The following CASD1 variants were observed in gnomAD, a reference collection of about 807,000 sequenced individuals.
CASD1 encodes N-acetylneuraminate (7)9-O-acetyltransferase.
Under a neutral mutation model 100.0 loss-of-function variants are expected in CASD1, and 41 were observed. The ratio of observed to expected loss-of-function variants is 0.41; its 90% CI spans 0.32 to 0.53. The LOEUF (loss-of-function observed/expected upper bound fraction) is 0.53. CASD1 is among the 20% of genes least tolerant of loss of function. CASD1 has a pLI of 0.25. For synonymous variants in CASD1, 321 were observed against 315.6 expected (o/e 1.02, Z -0.18); for missense variants, 774 against 948.7 (o/e 0.82, Z 2.42).
At chr7:94,512,328 C>T (rs1437079349) in intron 1 of CASD1, among the ~76,000 whole-genome samples, 2 of 152,164 alleles carry the variant, frequency 1.3e-5, no homozygotes, top group African/African-American at 2.4e-5. Flanking sequence ...CAAAGCCATC[C>T]TGGGCCTCCA....
chr7:94,598,059 C>G, the CASD1 span: 1 of 158,930 alleles, frequency 6.3e-6, no homozygotes, highest in Non-Finnish European at 1.4e-5. Flanking sequence ...CAGTTTTACC[C>G]ACCATTCCCT....
intron 17 of CASD1, 32 bp downstream of exon 17, chr7:94,554,607 C>T: frequency 2.2e-6 from 3 of 1,380,918 alleles, no homozygotes; most frequent in Non-Finnish European, 3.1e-6. Context: ...TTATCTTACA[C>T]AGCCAGGTGT....
chr7:94,574,886 C>T, the CASD1 span, among the ~76,000 whole-genome samples: 1 of 152,246 alleles, frequency 6.6e-6, no homozygotes, highest in South Asian at 2.1e-4. Flanking sequence ...AGGAGAATGG[C>T]ATGAACCCGG....
the CASD1 span, chr7:94,599,838 A>ATGCAAC: frequency 1.2e-6 from 1 of 820,120 alleles, no homozygotes; most frequent in South Asian, 1.4e-5. Flanking sequence ...TCACTATTAA[A>ATGCAAC]TGCAACCAGG....
At chr7:94,550,730 T>C (rs1036820115) in intron 14 of CASD1, among the ~76,000 whole-genome samples, 4 of 152,054 alleles carry the variant, frequency 2.6e-5, no homozygotes, top group African/African-American at 9.7e-5. Context: ...TCTGACCTAA[T>C]GACCAACCAA....
chr7:94,591,889 G>C, the CASD1 span, among the ~76,000 whole-genome samples: 1 of 152,180 alleles, frequency 6.6e-6, no homozygotes, highest in African/African-American at 2.4e-5. Context: ...TTGATTTAGA[G>C]ACTGAAAAGT....
chr7:94,557,873 A>G (rs1203109429), downstream of CASD1, among the ~76,000 whole-genome samples: 2 of 152,094 alleles, frequency 1.3e-5, no homozygotes, highest in Admixed American at 6.5e-5. Context: ...GATAGCACCT[A>G]TATATACGGT....
chr7:94,627,129 A>G, the CASD1 span: 1 of 152,064 alleles, frequency 6.6e-6, no homozygotes, highest in African/African-American at 2.4e-5. Context: ...ATAGATAGAA[A>G]TCACTGAACA....
the CASD1 span, among the ~76,000 whole-genome samples, chr7:94,583,978 C>T: frequency 4.6e-5 from 7 of 152,254 alleles, no homozygotes; most frequent in South Asian, 1.5e-3. Flanking sequence ...GAAACAAGAT[C>T]ACTTTTTCAC....
chr7:94,528,596 C>T (rs1794692576), intron 5 of CASD1, among the ~76,000 whole-genome samples: 2 of 152,148 alleles, frequency 1.3e-5, no homozygotes. Context: ...CTGTTTTCTC[C>T]TTCAAACTCA....
Position 94,547,924 on chromosome 7 carries a change from A to G in CASD1, c.1713+749A>G, listed in dbSNP as rs1039820658. On this transcript the variant is annotated intron_variant, in intron 13 of 17. Coordinates refer to ENST00000297273, the MANE Select transcript of CASD1 (RefSeq NM_022900.5). ...CTATAGGCATTTTGTGTGTATGTATAATCCTATGCCGTTTGGGTTTTTTTT... is the reference window on the plus strand; with the variant it reads ...CTATAGGCATTTTGTGTGTATGTATGATCCTATGCCGTTTGGGTTTTTTTT... Among the ~76,000 whole-genome samples, 4 of 151,780 alleles carry G rather than the reference A, an allele frequency of 2.6e-5. 1 individual carries two copies. Among genetic ancestry groups the G allele is most frequent in the Admixed American group, 2.6e-4 (4 of 15,212 alleles).
At chr7:94,533,938 C>T (rs1794978365) in intron 7 of CASD1, 136 bp downstream of exon 7, 2 of 756,186 alleles carry the variant, frequency 2.6e-6, no homozygotes, top group South Asian at 6.7e-5. Context: ...GATTAGAGTA[C>T]ACTTGAGTTA....
chr7:94,580,994 C>G, the CASD1 span, among the ~76,000 whole-genome samples: 51,595 of 151,936 alleles, frequency 0.34, 9,585 homozygotes, highest in Non-Finnish European at 0.41. Context: ...GGATCAGGAG[C>G]CTGATTTTGC....
At chr7:94,632,040 C>T in the CASD1 span, among the ~76,000 whole-genome samples, 7 of 151,840 alleles carry the variant, frequency 4.6e-5, no homozygotes, top group African/African-American at 7.3e-5. Context: ...ATACAAAGTA[C>T]GGCAGAGGTA....
chr7:94,613,602 A>G, the CASD1 span, among the ~76,000 whole-genome samples: 3 of 152,220 alleles, frequency 2.0e-5, no homozygotes, highest in Non-Finnish European at 4.4e-5. Flanking sequence ...TTGAGGTAAA[A>G]TGCATTTATT....
At chr7:94,609,663 A>T in the CASD1 span, among the ~76,000 whole-genome samples, 33 of 152,240 alleles carry the variant, frequency 2.2e-4, no homozygotes, top group Admixed American at 1.9e-3. Flanking sequence ...GAAAACAGTG[A>T]GATACGCAAC....
At chr7:94,618,860 A>G in the CASD1 span, 1 of 1,614,046 alleles carries the variant, frequency 6.2e-7, no homozygotes, top group South Asian at 1.1e-5. Flanking sequence ...CACATTTTTC[A>G]CTGCGCCAAG....
chr7:94,630,177 CA>C, the CASD1 span, among the ~76,000 whole-genome samples: 1 of 151,796 alleles, frequency 6.6e-6, no homozygotes, highest in African/African-American at 2.4e-5. Context: ...TTATTACCAA[CA>C]AAATACATCA....
the CASD1 span, chr7:94,629,807 C>G: frequency 2.5e-6 from 4 of 1,610,906 alleles, no homozygotes; most frequent in South Asian, 1.1e-5. Context: ...GGTATACATT[C>G]CGATCGGAGT....
Sources: allele counts gnomAD v4.1 joint callset (sites outside exome capture counted in the v4.1 genomes callset), GRCh38; gene constraint gnomAD v4.1.1; transcripts MANE v1.5; gene names NCBI Gene and HGNC (gene_info 2026-07-23, HGNC 2026-07-21).